Variants in PKNOX1 observed in about 807,000 individuals in gnomAD.
PKNOX1 encodes the protein PBX/knotted 1 homeobox 1, also known as homeobox protein PKNOX1.
A neutral mutation model predicts 51.9 loss-of-function variants in PKNOX1; 15 were observed. That is an observed-to-expected ratio of 0.29 (90% CI 0.19 to 0.45). The LOEUF (loss-of-function observed/expected upper bound fraction) is 0.45, where lower values mean the gene tolerates loss of function less well. Among genes scored for constraint, PKNOX1 ranks in the 20% least tolerant of loss-of-function variants. The probability of loss-of-function intolerance (pLI) is 1.00; values close to 1 mark genes in which losing one functional copy is unlikely to be tolerated. For missense variants in PKNOX1, 462 were observed against 547.5 expected (o/e 0.84, Z 1.56); for synonymous variants, 219 against 211.1 (o/e 1.04, Z -0.32).
rs574561772 is a variant in PKNOX1 at position 42,983,314 on chromosome 21, C to T, written c.-57+8650C>T. ...CCTCCCCATCTCCCCTCCCTGAAGC[C>T]CCTGGCAACCACCATTCTACTTCCT... is the stretch of plus-strand genomic sequence containing the variant. On this transcript the variant is annotated intron_variant, in intron 1 of 10. Transcript: ENST00000291547. Among the ~76,000 whole-genome samples, 8 of 152,226 alleles carry T rather than the reference C, an allele frequency of 5.3e-5. No homozygotes were observed. The South Asian group carries it at 6.2e-4, about 12-fold the overall frequency.
Position 43,024,951 on chromosome 21 carries a change from A to G in PKNOX1, c.926+4A>G. 6.3e-7 allele frequency: 1 copy of G among 1,593,818 alleles called. No individual in the cohort carries two copies. The highest frequency in any genetic ancestry group is 2.2e-5 in the East Asian group (1 of 44,774). On this transcript the variant is annotated splice_donor_region_variant and intron_variant, in intron 9 of 10. Transcript: ENST00000291547. ...CACTACTCCAAGTCAACAACTGGTA[A>G]GGTGCCCTGCTTCCTGAAATCATGC... is the stretch of plus-strand genomic sequence containing the variant.
chr21:43,013,534 G>A (rs963006545), intron 5 of PKNOX1, among the ~76,000 whole-genome samples: 3 of 152,110 alleles, frequency 2.0e-5, no homozygotes, highest in African/African-American at 7.2e-5. Flanking sequence ...GAAAAATTGT[G>A]TAAAATACAC....
intron 9 of PKNOX1, 84 bp from the exon 10 acceptor site, chr21:43,028,618 C>T (rs916717890): frequency 1.0e-5 from 13 of 1,261,070 alleles, no homozygotes; most frequent in East Asian, 2.3e-5. Context: ...CGTAGAGCAG[C>T]GTGTTTGTTA....
intron 3 of PKNOX1, among the ~76,000 whole-genome samples, chr21:43,009,844 C>T (rs540704195): frequency 1.4e-3 from 213 of 152,154 alleles, no homozygotes; most frequent in African/African-American, 4.7e-3. Context: ...GGTTTCTTTG[C>T]GGGGATCATG....
intron 1 of PKNOX1, among the ~76,000 whole-genome samples, chr21:43,000,815 C>T (rs914188797): frequency 2.6e-5 from 4 of 152,050 alleles, no homozygotes; most frequent in East Asian, 1.9e-4. Context: ...TTCAGGAAGT[C>T]GGGGCCCCAG....
intron 1 of PKNOX1, among the ~76,000 whole-genome samples, chr21:42,983,630 A>AT (rs142965195): frequency 0.042 from 6,385 of 152,174 alleles, 447 homozygotes; most frequent in African/African-American, 0.14. Context: ...CCTACTTTCA[A>AT]TTTTTTTGGA....
chr21:42,993,253 C>T (rs963986724), intron 1 of PKNOX1, among the ~76,000 whole-genome samples: 2 of 152,180 alleles, frequency 1.3e-5, no homozygotes, highest in East Asian at 3.9e-4. Flanking sequence ...CCCTTTCCTC[C>T]CCTCACGAAG....
Position 43,021,476 on chromosome 21 carries a change from G to T in PKNOX1, c.849+45G>T, listed in dbSNP as rs200233122. 1 of 1,543,698 alleles carries T rather than the reference G, an allele frequency of 6.5e-7. No individual in the cohort carries two copies. The highest frequency in any genetic ancestry group is 2.3e-4 in the Middle Eastern group (1 of 4,416). On this transcript the variant is annotated intron_variant, in intron 8 of 10. Transcript: ENST00000291547. This position sits in a 1 kb window ranked among gnomAD's most constrained non-coding sequence, Gnocchi z 4.6. ...CCCTTGCCTTGCAGCCCTCTGCGAC[G>T]CTTGCTCTCTGGCTTATGTGTCATG... is the stretch of plus-strand genomic sequence containing the variant.
intron 2 of PKNOX1, among the ~76,000 whole-genome samples, chr21:43,004,984 G>A (rs950180953): frequency 2.0e-5 from 3 of 152,192 alleles, no homozygotes; most frequent in Non-Finnish European, 4.4e-5. Context: ...TGGAAGCTGT[G>A]GTGTTTTGTG....
At chr21:42,982,743 A>AAT (rs2059033198) in intron 1 of PKNOX1, among the ~76,000 whole-genome samples, 1 of 150,352 alleles carries the variant, frequency 6.7e-6, no homozygotes. Flanking sequence ...AAAAAAAAAA[A>AAT]AAAAGTTTAA....
chr21:43,005,279 G>A (rs191316022), intron 2 of PKNOX1, among the ~76,000 whole-genome samples: 28 of 152,188 alleles, frequency 1.8e-4, no homozygotes, highest in Admixed American at 1.2e-3. Context: ...ATCAGGCTCC[G>A]GAAAACTCAC....
At chr21:42,991,734 A>G (rs1446806944) in intron 1 of PKNOX1, among the ~76,000 whole-genome samples, 1 of 1,840 alleles carries the variant, frequency 5.4e-4, no homozygotes, top group Non-Finnish European at 1.9e-3. Context: ...ACTCCGTCTC[A>G]AAAAAAAAAA....
At chr21:42,980,648 T>G (rs2059021518) in intron 1 of PKNOX1, among the ~76,000 whole-genome samples, 1 of 152,176 alleles carries the variant, frequency 6.6e-6, no homozygotes, top group Admixed American at 6.5e-5. Context: ...AACAAATTAT[T>G]TTGAAATACA....
At chr21:42,990,690 GT>G (rs545591540) in intron 1 of PKNOX1, among the ~76,000 whole-genome samples, 87 of 152,304 alleles carry the variant, frequency 5.7e-4, no homozygotes, top group Admixed American at 1.6e-3. Context: ...TGTAATATAA[GT>G]TTTACATGAC....
At chr21:43,003,182 C>T (rs904387121) in intron 1 of PKNOX1, among the ~76,000 whole-genome samples, 1 of 152,222 alleles carries the variant, frequency 6.6e-6, no homozygotes, top group Non-Finnish European at 1.5e-5. Flanking sequence ...TGCCCTTGAC[C>T]TCCACATGAC....
intron 1 of PKNOX1, among the ~76,000 whole-genome samples, chr21:42,984,484 G>GA (rs2059041892): frequency 2.0e-5 from 3 of 151,002 alleles, no homozygotes; most frequent in Non-Finnish European, 4.4e-5. Flanking sequence ...CACCTCCTGG[G>GA]TTCAAGCAAT....
At chr21:42,989,352 G>A (rs184501045) in intron 1 of PKNOX1, among the ~76,000 whole-genome samples, 8 of 151,850 alleles carry the variant, frequency 5.3e-5, no homozygotes, top group Non-Finnish European at 8.8e-5. Context: ...TGGATCTTTT[G>A]ACTGGTCAGG....
At chr21:43,018,469 G>C (rs1601297764) in intron 7 of PKNOX1, among the ~76,000 whole-genome samples, 3 of 11,054 alleles carry the variant, frequency 2.7e-4, no homozygotes, top group African/African-American at 9.5e-4. Flanking sequence ...ACCACCCCCT[G>C]CCACCCACAC....
intron 5 of PKNOX1, among the ~76,000 whole-genome samples, chr21:43,014,222 C>T (rs974155723): frequency 6.6e-6 from 1 of 151,926 alleles, no homozygotes. Context: ...GGGGTTTCAC[C>T]GTATTAGCCA....
Sources: gnomAD v4.1 joint callset for allele counts (sites outside exome capture counted in the v4.1 genomes callset) on GRCh38, gnomAD v4.1.1 for gene constraint, Gnocchi (gnomAD v3.1) non-coding constraint, MANE v1.5 for transcripts, NCBI Gene and HGNC (gene_info 2026-07-23, HGNC 2026-07-21) for gene names.